UBE2Q1: variants seen among roughly 807,000 people sequenced by gnomAD.
UBE2Q1 encodes the protein ubiquitin-conjugating enzyme E2 Q1.
A neutral mutation model predicts 60.1 loss-of-function variants in UBE2Q1; 6 were observed. The ratio of observed to expected loss-of-function variants is 0.10; its 90% CI spans 0.05 to 0.20. The LOEUF (loss-of-function observed/expected upper bound fraction) is 0.20. UBE2Q1 is among the 10% of genes least tolerant of loss of function. The pLI, the probability that UBE2Q1 is intolerant of heterozygous loss-of-function variation, is 1.00. For synonymous variants in UBE2Q1, 226 were observed against 208.3 expected (o/e 1.09, Z -0.73); for missense variants, 262 against 525.8 (o/e 0.50, Z 4.91).
intron 8 of UBE2Q1, 28 bp downstream of exon 8, chr1:154,552,064 AG>A (rs1695798477): frequency 6.2e-7 from 1 of 1,613,976 alleles, no homozygotes; most frequent in African/African-American, 1.3e-5. Flanking sequence ...CCTAGGCCAG[AG>A]GGAGAGACTG....
At position 154,558,440 on chromosome 1, in the gene UBE2Q1, C is replaced by G; in HGVS notation, c.114G>C (p.Gly38=). The G allele has an allele frequency of 6.8e-7, 1 of 1,479,872 alleles. No homozygotes were observed. The highest frequency in any genetic ancestry group is 8.9e-7 in the Non-Finnish European group (1 of 1,119,456). 91.7% of individuals were successfully genotyped at this position (1,479,872 alleles called of 1,614,324 possible). ...GGGPGGGPGP[G]PCLRRELKLL... ...GCTTCAGCTCTCGCCTCAGGCAGGG[C>G]CCCGGCCCCGGGCCCCCCCCTGGGC... is the stretch of plus-strand genomic sequence containing the variant. Residue 38 remains glycine, a synonymous_variant, in exon 1 of 13, where the codon GGG becomes GGC. Transcript: ENST00000292211.
intron 12 of UBE2Q1, chr1:154,550,716 T>C (rs1429324427): frequency 1.0e-5 from 10 of 985,188 alleles, no homozygotes; most frequent in Non-Finnish European, 1.2e-5. Flanking sequence ...AAGAAGGGGG[T>C]AGCACCAAGT....
Position 154,558,573 on chromosome 1 carries a change from CGG to C in UBE2Q1, c.-22_-21del. 1 of 1,024,064 alleles carries C rather than the reference CGG, an allele frequency of 9.8e-7. No individual in the cohort carries two copies. The highest frequency in any genetic ancestry group is 1.2e-6 in the Non-Finnish European group (1 of 859,516). 63.4% of individuals were successfully genotyped at this position (1,024,064 alleles called of 1,614,324 possible). A position where few individuals can be genotyped will look rare whatever the true frequency, so the allele number is the denominator to read the frequency against. On this transcript the variant is annotated 5_prime_UTR_variant, in exon 1 of 13. Transcript: ENST00000292211. ...CTGCATCCTCCGCTCCGCTCCGCTCCGGGGCCGGCGGGCCGGGAGCCTCCGGC... is the reference window on the plus strand; with the variant it reads ...CTGCATCCTCCGCTCCGCTCCGCTCCGGCCGGCGGGCCGGGAGCCTCCGGC...
At position 154,555,503 on chromosome 1, in the gene UBE2Q1, G is replaced by A. The variant is rs181022001; in HGVS notation, c.462C>T (p.Ser154=). The change falls in exon 3 of 13, where the codon TCC becomes TCT. Residue 154 remains serine, a synonymous_variant. Transcript: ENST00000292211. ...GGAGGTTATAGAGTTTACACAGGTC[G>A]GAGATGATCCTCTTCAGATGCTGCA... is the stretch of plus-strand genomic sequence containing the variant. ...LLLQHLKRII[S]DLCKLYNLPQ... 37 of 1,614,112 alleles carry A rather than the reference G, an allele frequency of 2.3e-5. No individual in the cohort carries two copies. The highest frequency in any genetic ancestry group is 1.1e-4 in the East Asian group (5 of 44,880).
chr1:154,551,691 C>T (rs1695792533), intron 10 of UBE2Q1, 80 bp downstream of exon 10: 1 of 1,586,410 alleles, frequency 6.3e-7, no homozygotes, highest in South Asian at 1.1e-5. Flanking sequence ...GTCTATCACC[C>T]AGCCCGTAGG....
chr1:154,555,062 G>A (rs1695859272), intron 3 of UBE2Q1: 2 of 528,968 alleles, frequency 3.8e-6, no homozygotes, highest in South Asian at 5.4e-5. Flanking sequence ...ATTCTCCTAA[G>A]AACCCCTCCT....
chr1:154,551,013 AG>A lies in UBE2Q1; in HGVS notation c.1171-10del. ...GTCAGACTGTATTGAGACTGGGGAG[AG>A]GAAGCCACCAGATCAGGCCATGGCT... On this transcript the variant is annotated splice_polypyrimidine_tract_variant and intron_variant, in intron 11 of 12. Coordinates refer to ENST00000292211, the MANE Select transcript of UBE2Q1 (RefSeq NM_017582.7). 1 of 1,613,948 alleles carries A rather than the reference AG, an allele frequency of 6.2e-7. No individual in the cohort carries two copies. The highest frequency in any genetic ancestry group is 8.5e-7 in the Non-Finnish European group (1 of 1,179,926).
chr1:154,553,523 C>T (rs41302545), intron 4 of UBE2Q1: 24,957 of 191,918 alleles, frequency 0.13, 1,985 homozygotes, highest in South Asian at 0.16. Flanking sequence ...TAATTCCTAG[C>T]AGAAATGACT....
chr1:154,554,750 A>G lies in UBE2Q1; in HGVS notation c.573T>C (p.Asp191=), dbSNP rs371522767. ...GCAAGCCTACCTCAGGCATCTCCTC[A>G]TCTTCATCTTCTGAAGACACGTCTT... ...TQEDVSSEDE[D]EEMPEDTEDL... is the part of the protein sequence containing the mutation. The change falls in exon 4 of 13, where the codon GAT becomes GAC. Residue 191 remains aspartate (D), a synonymous_variant. Transcript: ENST00000292211. 2 of 1,613,396 alleles carry G rather than the reference A, an allele frequency of 1.2e-6. No individual in the cohort carries two copies. The highest frequency in any genetic ancestry group is 1.3e-5 in the African/African-American group (1 of 74,894).
chr1:154,550,082 A>G lies in UBE2Q1; in HGVS notation c.*356T>C, dbSNP rs762683549. On this transcript the variant is annotated 3_prime_UTR_variant, in exon 13 of 13. Transcript: ENST00000292211. ...AAAAAAGCAGTGTACATGAAATAAG[A>G]GAAAATAAATTAAAAATCCATAGCA... is the stretch of plus-strand genomic sequence containing the variant. The G allele has an allele frequency of 4.3e-6, 1 of 233,970 alleles. No homozygotes were observed. Among genetic ancestry groups the G allele is most frequent in the Non-Finnish European group, 8.3e-6 (1 of 121,012 alleles). 14.5% of individuals were successfully genotyped at this position (233,970 alleles called of 1,614,324 possible). A position where few individuals can be genotyped will look rare whatever the true frequency, so the allele number is the denominator to read the frequency against.
Position 154,558,608 on chromosome 1 carries a change from C to G in UBE2Q1, c.-55G>C, listed in dbSNP as rs1695937259. 1 of 970,176 alleles carries G rather than the reference C, an allele frequency of 1.0e-6. No individual in the cohort carries two copies. The highest frequency in any genetic ancestry group is 1.2e-6 in the Non-Finnish European group (1 of 835,886). The allele number at this position is 970,176 out of a possible 1,614,324, so 60.1% of individuals were successfully genotyped here. On this transcript the variant is annotated 5_prime_UTR_variant, in exon 1 of 13. Transcript: ENST00000292211. ...GGGCCGGGAGCCTCCGGCCTGCGCT[C>G]CGGGCTCCGCCGCCGCCGCCGCCGC...
rs1389120619 is a variant in UBE2Q1, at chr1:154,548,877, C to T, written c.*1561G>A. ...GCATTGAGTGGGACTGGTGGACTCT[C>T]CATCCACCTAAAGCAGCAAACATTA... On this transcript the variant is annotated 3_prime_UTR_variant, in exon 13 of 13. Transcript: ENST00000292211. 1 of 152,616 alleles carries T rather than the reference C, an allele frequency of 6.6e-6. No homozygotes were observed. Among genetic ancestry groups the T allele is most frequent in the Non-Finnish European group, 1.5e-5 (1 of 68,044 alleles). The allele number at this position is 152,616 out of a possible 1,614,324, so 9.5% of individuals were successfully genotyped here. A position where few individuals can be genotyped will look rare whatever the true frequency, so the allele number is the denominator to read the frequency against.
At chr1:154,555,282 G>A in intron 3 of UBE2Q1, 146 bp downstream of exon 3, 2 of 690,826 alleles carry the variant, frequency 2.9e-6, no homozygotes, top group Non-Finnish European at 5.1e-6. Context: ...CCCATCTGGA[G>A]AAGAACGAGG....
chr1:154,554,768 C>T lies in UBE2Q1; in HGVS notation c.555G>A (p.Val185=). The T allele has an allele frequency of 6.2e-7, 1 of 1,613,528 alleles. No individual in the cohort carries two copies. The highest frequency in any genetic ancestry group is 8.5e-7 in the Non-Finnish European group (1 of 1,179,596). Residue 185 remains valine, a synonymous_variant, in exon 4 of 13, where the codon GTG becomes GTA. Coordinates refer to ENST00000292211, the MANE Select transcript of UBE2Q1 (RefSeq NM_017582.7). ...TCTCCTCATCTTCATCTTCTGAAGACACGTCTTCCTGTGTGCACTGCAGCA... is the reference window on the plus strand; with the variant it reads ...TCTCCTCATCTTCATCTTCTGAAGATACGTCTTCCTGTGTGCACTGCAGCA... ...LPAEQCTQED[V]SSEDEDEEMP...
At chr1:154,551,173 T>C (rs1315913207) in intron 11 of UBE2Q1, 169 bp from the exon 12 acceptor site, 9 of 878,642 alleles carry the variant, frequency 1.0e-5, no homozygotes, top group African/African-American at 1.7e-5. Flanking sequence ...CATAATCCCA[T>C]AGTCTTCCTT....
chr1:154,554,537 G>A (rs1475573422), intron 4 of UBE2Q1, 198 bp downstream of exon 4: 7 of 544,394 alleles, frequency 1.3e-5, no homozygotes, highest in Middle Eastern at 4.3e-4. Context: ...TTTGAACCGC[G>A]CTGCACCTGT....
chr1:154,550,603 G>A (rs1695777037), intron 12 of UBE2Q1, 134 bp from the exon 13 acceptor site: 10 of 1,524,444 alleles, frequency 6.6e-6, no homozygotes, highest in Non-Finnish European at 8.8e-6. Context: ...GGGGAGAGGT[G>A]TATGGGAAGC....
chr1:154,558,057 G>A (rs1047266400), intron 1 of UBE2Q1, among the ~76,000 whole-genome samples, 170 bp downstream of exon 1: 7 of 151,946 alleles, frequency 4.6e-5, no homozygotes, highest in Admixed American at 4.6e-4. Context: ...GAGATTCTGG[G>A]TGCACTGCAT....
chr1:154,550,752 G>A (rs1695778811), intron 12 of UBE2Q1, 186 bp downstream of exon 12: 5 of 985,410 alleles, frequency 5.1e-6, no homozygotes, highest in Non-Finnish European at 4.8e-6. Context: ...TCATTTTGGT[G>A]TGTTTCTGGA....
Sources: allele counts gnomAD v4.1 joint callset (sites outside exome capture counted in the v4.1 genomes callset), GRCh38; gene constraint gnomAD v4.1.1; transcripts MANE v1.5; gene names NCBI Gene and HGNC (gene_info 2026-07-23, HGNC 2026-07-21).